Variants in CPT1A observed in about 807,000 individuals in gnomAD.
The protein encoded by CPT1A is carnitine O-palmitoyltransferase 1, liver isoform.
A neutral mutation model predicts 100.8 loss-of-function variants in CPT1A; 64 were observed. The ratio of observed to expected loss-of-function variants is 0.63; its 90% CI spans 0.52 to 0.78. CPT1A has a LOEUF of 0.78. Among genes scored for constraint, CPT1A ranks in the 30% least tolerant of loss-of-function variants. CPT1A has a pLI of 0.00. For synonymous variants in CPT1A, 363 were observed against 396.0 expected (o/e 0.92, Z 0.99); for missense variants, 802 against 1,034.1 (o/e 0.78, Z 3.08).
At chr11:68,773,544 G>A (rs1855054287) in intron 13 of CPT1A, 115 bp from the exon 14 acceptor site, 2 of 1,547,512 alleles carry the variant, frequency 1.3e-6, no homozygotes, top group Non-Finnish European at 1.7e-6. Context: ...GTACTGGGAA[G>A]TACACAAACG....
chr11:68,812,698 C>A, intron 2 of CPT1A, 122 bp from the exon 3 acceptor site: 1 of 1,122,866 alleles, frequency 8.9e-7, no homozygotes, highest in Non-Finnish European at 1.3e-6. Context: ...GTGTGGACAG[C>A]GTGCGTGCAC....
chr11:68,812,698 C>T (rs754875965), intron 2 of CPT1A, 122 bp from the exon 3 acceptor site: 11 of 1,122,742 alleles, frequency 9.8e-6, no homozygotes, highest in Admixed American at 2.0e-5. Flanking sequence ...GTGTGGACAG[C>T]GTGCGTGCAC....
At chr11:68,762,800 G>A (rs774475758) in intron 14 of CPT1A, 39 bp from the exon 15 acceptor site, 60 of 1,612,878 alleles carry the variant, frequency 3.7e-5, no homozygotes, top group Non-Finnish European at 4.6e-5. Flanking sequence ...GGCAGGGCAT[G>A]CTGATATGTC....
chr11:68,793,236 C>G (rs994378291), intron 9 of CPT1A, 79 bp downstream of exon 9: 93 of 1,029,470 alleles, frequency 9.0e-5, no homozygotes, highest in Non-Finnish European at 1.3e-4. Context: ...TCAATTTGGC[C>G]CCTTTGACAC....
At chr11:68,823,014 A>G (rs2154001963) in intron 1 of CPT1A, among the ~76,000 whole-genome samples, 1 of 152,250 alleles carries the variant, frequency 6.6e-6, no homozygotes, top group Middle Eastern at 3.4e-3. Context: ...GATTGTGGTG[A>G]TAGTTGCACA....
chr11:68,819,471 C>G (rs2924697), intron 1 of CPT1A, among the ~76,000 whole-genome samples: 118,659 of 152,118 alleles, frequency 0.78, 47,592 homozygotes, highest in Non-Finnish European at 0.87. Context: ...AAGCATGCAC[C>G]GTGGCAAATA....
At chr11:68,839,041 A>C (rs1452385648) in intron 1 of CPT1A, among the ~76,000 whole-genome samples, 1 of 152,110 alleles carries the variant, frequency 6.6e-6, no homozygotes, top group Non-Finnish European at 1.5e-5. Flanking sequence ...TTAAACAAAC[A>C]ATCTCGAACA....
chr11:68,812,969 G>A (rs1217796782), intron 2 of CPT1A, among the ~76,000 whole-genome samples: 3 of 151,008 alleles, frequency 2.0e-5, no homozygotes, highest in East Asian at 3.9e-4. Flanking sequence ...TCCTCTTGCC[G>A]CCCCTGTGTC....
intron 10 of CPT1A, among the ~76,000 whole-genome samples, chr11:68,782,753 C>T (rs371829548): frequency 1.3e-5 from 2 of 152,312 alleles, no homozygotes; most frequent in East Asian, 1.9e-4. Context: ...TCTAGGAGTG[C>T]TTGGCTATGG....
rs1946704855 is a variant in CPT1A, at chr11:68,756,925, C to T, written c.*719G>A. ...AATTGTGAAGGGAACAGTATACCCACAATTCCACCCAAAGACTCTACAAAA... is the reference window on the plus strand; with the variant it reads ...AATTGTGAAGGGAACAGTATACCCATAATTCCACCCAAAGACTCTACAAAA... On this transcript the variant is annotated 3_prime_UTR_variant, in exon 19 of 19. Coordinates refer to ENST00000265641, the MANE Select transcript of CPT1A (RefSeq NM_001876.4). The T allele has an allele frequency of 6.5e-6, 1 of 153,116 alleles. No homozygotes were observed. The highest frequency in any genetic ancestry group is 1.5e-5 in the Non-Finnish European group (1 of 68,692). The allele number at this position is 153,116 out of a possible 1,614,324, so 9.5% of individuals were successfully genotyped here.
chr11:68,772,004 G>A (rs199802120), intron 14 of CPT1A, among the ~76,000 whole-genome samples: 7 of 152,280 alleles, frequency 4.6e-5, no homozygotes, highest in East Asian at 3.9e-4. Flanking sequence ...TGGCACAATC[G>A]TTACCAAGGT....
At chr11:68,788,509 C>G (rs1197682398) in intron 9 of CPT1A, among the ~76,000 whole-genome samples, 2 of 151,388 alleles carry the variant, frequency 1.3e-5, no homozygotes, top group Non-Finnish European at 2.9e-5. Context: ...TGAGGCAGGA[C>G]AATCGCTTGA....
intron 9 of CPT1A, among the ~76,000 whole-genome samples, chr11:68,792,454 C>A (rs1855642846): frequency 6.6e-6 from 1 of 152,232 alleles, no homozygotes; most frequent in Non-Finnish European, 1.5e-5. Context: ...GGCTCTAGCT[C>A]ACCAAGTGTC....
At chr11:68,831,886 G>A (rs1344128121) in intron 1 of CPT1A, among the ~76,000 whole-genome samples, 1 of 152,048 alleles carries the variant, frequency 6.6e-6, no homozygotes, top group East Asian at 1.9e-4. Flanking sequence ...GTCTGCCTTG[G>A]CCTCCTAAAG....
At chr11:68,836,367 T>C (rs1424106235) in intron 1 of CPT1A, among the ~76,000 whole-genome samples, 8 of 151,764 alleles carry the variant, frequency 5.3e-5, no homozygotes, top group Admixed American at 5.3e-4. Context: ...GTCCTAGCTA[T>C]GTAAGAGGCT....
At chr11:68,801,827 A>C (rs1855909669) in intron 5 of CPT1A, among the ~76,000 whole-genome samples, 3 of 152,184 alleles carry the variant, frequency 2.0e-5, no homozygotes, top group Admixed American at 1.3e-4. Context: ...GCTGCGTGAG[A>C]GTCTCATGGT....
At chr11:68,761,056 CTT>C (rs1449627525) in intron 16 of CPT1A, among the ~76,000 whole-genome samples, 3 of 150,780 alleles carry the variant, frequency 2.0e-5, no homozygotes, top group South Asian at 2.1e-4. Flanking sequence ...ATAAATAAAA[CTT>C]AAATTAAATT....
Position 68,799,647 on chromosome 11 carries a change from TG to T in CPT1A, c.556-293del, listed in dbSNP as rs536255622. ...GTGCATGTCTGTGGTCCCAGCTACC[TG>T]GGGGGCTGAGGTTGGGAGGATCGCT... On this transcript the variant is annotated intron_variant, in intron 5 of 18. Transcript: ENST00000265641. Among the ~76,000 whole-genome samples, 199 of 151,798 alleles carry T rather than the reference TG, an allele frequency of 1.3e-3. 2 individuals are homozygous for T. The highest frequency in any genetic ancestry group is 3.7e-3 in the African/African-American group (154 of 41,376).
intron 1 of CPT1A, among the ~76,000 whole-genome samples, chr11:68,838,572 T>TTTAAAAAAAAAAAAAAAAAA (rs1491356211): frequency 3.1e-5 from 3 of 95,512 alleles, no homozygotes; most frequent in African/African-American, 1.5e-4. Flanking sequence ...TGCACCTTTT[T>TTTAAAAAAAAAAAAAAAAAA]AAAAAAAAAA....
Sources: allele counts gnomAD v4.1 joint callset (sites outside exome capture counted in the v4.1 genomes callset), GRCh38; gene constraint gnomAD v4.1.1; transcripts MANE v1.5; gene names NCBI Gene and HGNC (gene_info 2026-07-23, HGNC 2026-07-21).